The following SMC5 variants were observed in gnomAD, a reference collection of about 807,000 sequenced individuals.
SMC5 encodes structural maintenance of chromosomes protein 5.
A neutral mutation model predicts 148.3 loss-of-function variants in SMC5; 88 were observed. The observed-to-expected ratio is 0.59, with a 90% CI of 0.50 to 0.71. SMC5 has a LOEUF of 0.71. SMC5 is among the 30% of genes least tolerant of loss of function. SMC5 has a pLI of 0.00. For synonymous variants in SMC5, 421 were observed against 432.8 expected (o/e 0.97, Z 0.34); for missense variants, 1,142 against 1,298.9 (o/e 0.88, Z 1.86).
chr9:70,339,241 A>G (rs2036447745), intron 17 of SMC5, among the ~76,000 whole-genome samples: 1 of 152,108 alleles, frequency 6.6e-6, no homozygotes, highest in Non-Finnish European at 1.5e-5. Flanking sequence ...CATCCTGGCT[A>G]ACGTGGTGAA....
At position 70,278,121 on chromosome 9, in the gene SMC5, A is replaced by G. The variant is rs186561558; in HGVS notation, c.544-370A>G. Among the ~76,000 whole-genome samples, 328 of 152,166 alleles carry G rather than the reference A, an allele frequency of 2.2e-3. 1 individual carries two copies. The highest frequency in any genetic ancestry group is 7.7e-3 in the African/African-American group (319 of 41,562). ...CCAGCTGATGTCAGATTATCTCCAG[A>G]AGTAGATGTTTGAAATTGCCTTTTT... On this transcript the variant is annotated intron_variant, in intron 4 of 24. Coordinates refer to ENST00000361138, the MANE Select transcript of SMC5 (RefSeq NM_015110.4).
At chr9:70,283,008 C>G (rs768192901) in intron 7 of SMC5, among the ~76,000 whole-genome samples, 1 of 152,116 alleles carries the variant, frequency 6.6e-6, no homozygotes, top group Non-Finnish European at 1.5e-5. Context: ...TTTTTTATGA[C>G]TATGGCTTCT....
intron 9 of SMC5, among the ~76,000 whole-genome samples, chr9:70,299,664 C>A (rs530554034): frequency 2.6e-5 from 4 of 152,004 alleles, no homozygotes; most frequent in East Asian, 3.9e-4. Flanking sequence ...TCATCCCCCC[C>A]CCTTTTTTAG....
chr9:70,324,174 A>G, intron 17 of SMC5, 31 bp downstream of exon 17: 1 of 1,577,628 alleles, frequency 6.3e-7, no homozygotes, highest in Non-Finnish European at 8.5e-7. Flanking sequence ...TTTTATTTTG[A>G]GGTTCTAACC....
At chr9:70,324,176 G>T in intron 17 of SMC5, 33 bp downstream of exon 17, 1 of 1,572,438 alleles carries the variant, frequency 6.4e-7, no homozygotes, top group Non-Finnish European at 8.6e-7. Context: ...TTATTTTGAG[G>T]TTCTAACCTC....
chr9:70,300,655 ACAT>A (rs2035335484), intron 10 of SMC5, among the ~76,000 whole-genome samples: 1 of 152,142 alleles, frequency 6.6e-6, no homozygotes. Context: ...TACCTTATTG[ACAT>A]CATAAAATTT....
chr9:70,350,385 C>T lies in SMC5; in HGVS notation c.3079C>T (p.Pro1027Ser). The change falls in exon 24 of 25, where the codon CCA becomes TCA. Residue 1027 changes from proline (P) to serine (S), a missense_variant. By Grantham distance (74) the Pro-to-Ser change is moderately conservative. Around this residue, in one of 5 missense-constraint regions of SMC5, gnomAD observed 30 missense variants for 65.3 expected, o/e 0.46. Coordinates refer to ENST00000361138, the MANE Select transcript of SMC5 (RefSeq NM_015110.4). The stretch of plus-strand genomic sequence containing the variant: ...TGTTGCCATTGTTTAGGGAATGGAC[C>T]CAATCAATGAACGGAGAGTGTTTGA... Reference protein sequence around the residue: ...VVDEINQGMDPINERRVFEMV... With the variant: ...VVDEINQGMDSINERRVFEMV... The T allele has an allele frequency of 1.2e-6, 2 of 1,608,990 alleles. No individual in the cohort carries two copies. The highest frequency in any genetic ancestry group is 1.7e-6 in the Non-Finnish European group (2 of 1,178,260).
chr9:70,301,892 A>G (rs2035366753), intron 10 of SMC5, among the ~76,000 whole-genome samples: 1 of 152,138 alleles, frequency 6.6e-6, no homozygotes, highest in African/African-American at 2.4e-5. Context: ...GAAAGATGCC[A>G]TCAACCACCA....
intron 10 of SMC5, among the ~76,000 whole-genome samples, 157 bp downstream of exon 10, chr9:70,300,357 TC>T (rs1301724638): frequency 6.6e-6 from 1 of 152,058 alleles, no homozygotes; most frequent in African/African-American, 2.4e-5. Context: ...TTTTTAAAGG[TC>T]CCCTGATCAA....
In SMC5 at chr9:70,344,154, T is replaced by A; in HGVS notation, c.2408T>A (p.Ile803Asn). The A allele has an allele frequency of 1.3e-6, 2 of 1,519,898 alleles. No homozygotes were observed. The highest frequency in any genetic ancestry group is 1.8e-6 in the Non-Finnish European group (2 of 1,133,234). The allele number at this position is 1,519,898 out of a possible 1,614,324, so 94.2% of individuals were successfully genotyped here. ...AAATTTTTTTAATAGCAACATTTCA[T>A]TGAATTGGATGAAAATAGACAGAGA... ...SQLRLTEQHF[I>N]ELDENRQRLL... is the part of the protein sequence containing the mutation. The change falls in exon 18 of 25, where the codon ATT (isoleucine) becomes AAT (asparagine). Residue 803 changes from isoleucine (I) to asparagine (N), a missense_variant. Around this residue, in one of 5 missense-constraint regions of SMC5, gnomAD observed 743 missense variants for 835.7 expected, o/e 0.89. Transcript: ENST00000361138.
intron 17 of SMC5, among the ~76,000 whole-genome samples, chr9:70,339,302 G>A (rs922610239): frequency 3.3e-5 from 5 of 152,014 alleles, no homozygotes; most frequent in East Asian, 1.9e-4. Context: ...GGTGGCGGGC[G>A]CCTGTAGTCC....
chr9:70,323,476 C>A lies in SMC5; in HGVS notation c.2151-7C>A. On this transcript the variant is annotated splice_polypyrimidine_tract_variant and splice_region_variant and intron_variant, in intron 15 of 24. Transcript: ENST00000361138. ...CTGATTTCTTCATTATTATATGTGT[C>A]ATACAGTTTAAAGCTGATGGAACAG... The A allele has an allele frequency of 6.2e-7, 1 of 1,601,136 alleles. No homozygotes were observed. The highest frequency in any genetic ancestry group is 1.1e-5 in the South Asian group (1 of 88,348).
intron 17 of SMC5, among the ~76,000 whole-genome samples, chr9:70,338,037 C>G (rs777440405): frequency 6.6e-6 from 1 of 152,150 alleles, no homozygotes; most frequent in Non-Finnish European, 1.5e-5. Flanking sequence ...TCCTTGAGAA[C>G]GGGTTCTTAC....
chr9:70,322,950 A>G (rs1279886628), intron 15 of SMC5, among the ~76,000 whole-genome samples: 1 of 152,158 alleles, frequency 6.6e-6, no homozygotes, highest in Non-Finnish European at 1.5e-5. Context: ...CGCTTTACCC[A>G]TTCCAACTTA....
intron 17 of SMC5, among the ~76,000 whole-genome samples, chr9:70,337,446 ATTTGTTTTTTTTTTTT>A (rs2036389059): frequency 1.4e-5 from 1 of 70,400 alleles, no homozygotes. Context: ...GTGTTTTGGG[ATTTGTTTTTTTTTTTT>A]TTTTTTTTTT....
At position 70,348,046 on chromosome 9, in the gene SMC5, T is replaced by C; in HGVS notation, c.2889+8T>C. ...CTCCATACAGAAAATGAGGTAAAATTGCATTTGAAATAAATAATATTTCTG... is the reference window on the plus strand; with the variant it reads ...CTCCATACAGAAAATGAGGTAAAATCGCATTTGAAATAAATAATATTTCTG... On this transcript the variant is annotated splice_region_variant and intron_variant, in intron 22 of 24. Transcript: ENST00000361138. The C allele has an allele frequency of 6.4e-7, 1 of 1,556,996 alleles. No homozygotes were observed. The highest frequency in any genetic ancestry group is 1.3e-5 in the South Asian group (1 of 79,950).
chr9:70,282,501 A>C lies in SMC5; in HGVS notation c.899A>C (p.Lys300Thr), dbSNP rs779601986. The change falls in exon 7 of 25, where the codon AAA (lysine) becomes ACA (threonine). Residue 300 changes from lysine (K) to threonine (T), a missense_variant. Physicochemically the swap from Lys to Thr is moderately conservative, Grantham distance 78. Transcript: ENST00000361138. ...GTGAAGGAAGAGGTCAGAAAACTTA[A>C]AGAAGGGCAGATTCCTGTAACATGT... is the stretch of plus-strand genomic sequence containing the variant. ...DRVKEEVRKLKEGQIPVTCRI... is the reference protein window; with the variant it reads ...DRVKEEVRKLTEGQIPVTCRI... The C allele has an allele frequency of 1.6e-5, 25 of 1,609,114 alleles. No homozygotes were observed. Among genetic ancestry groups the C allele is most frequent in the Non-Finnish European group, 2.1e-5 (25 of 1,178,408 alleles).
intron 17 of SMC5, among the ~76,000 whole-genome samples, chr9:70,326,403 G>C (rs559888856): frequency 5.6e-4 from 85 of 152,020 alleles, no homozygotes; most frequent in African/African-American, 2.0e-3. Context: ...AGGTGTACCA[G>C]GCAAATGGAA....
At chr9:70,347,532 A>G in intron 20 of SMC5, 81 bp from the exon 21 acceptor site, 3 of 710,550 alleles carry the variant, frequency 4.2e-6, no homozygotes, top group Non-Finnish European at 6.9e-6. Flanking sequence ...TTTTCATTTA[A>G]TGTTTTAATC....
Sources: allele counts gnomAD v4.1 joint callset (sites outside exome capture counted in the v4.1 genomes callset), GRCh38; gene constraint gnomAD v4.1.1; regional missense constraint gnomAD v4.1.1; transcripts MANE v1.5; gene names NCBI Gene and HGNC (gene_info 2026-07-23, HGNC 2026-07-21).